USP34: variants seen among roughly 807,000 people sequenced by gnomAD.
The protein encoded by USP34 is ubiquitin carboxyl-terminal hydrolase 34.
In USP34, 70 loss-of-function variants were observed where a neutral mutation model predicts 460.3. The ratio of observed to expected loss-of-function variants is 0.15; its 90% CI spans 0.13 to 0.19. The LOEUF (loss-of-function observed/expected upper bound fraction) is 0.19. Among genes scored for constraint, USP34 ranks in the 10% least tolerant of loss-of-function variants. The pLI is 1.00. For synonymous variants in USP34, 1,647 were observed against 1,405.3 expected (o/e 1.17, Z -3.85); for missense variants, 3,985 against 4,236.2 (o/e 0.94, Z 1.65).
chr2:61,281,222 T>C lies in USP34; in HGVS notation c.5019A>G (p.Ser1673=), dbSNP rs370121757. Reference sequence around the variant, plus strand: ...GGGATAACTTATAGAGACCACTGCATGATTCATGACGAACTGCAGTCTAGA... The same window carrying C: ...GGGATAACTTATAGAGACCACTGCACGATTCATGACGAACTGCAGTCTAGA... The part of the protein sequence containing the change: ...LIPETAVRHE[S]CSGLYKLSLS... Residue 1673 remains serine, a synonymous_variant, in exon 38 of 80, where the codon TCA becomes TCG. Coordinates refer to ENST00000398571, the MANE Select transcript of USP34 (RefSeq NM_014709.4). 3.7e-6 allele frequency: 6 copies of C among 1,613,732 alleles called. No homozygotes were observed. In the African/African-American group the frequency reaches 8.0e-5, roughly 22 times the overall value.
chr2:61,299,678 G>A (rs1434903310), intron 29 of USP34, among the ~76,000 whole-genome samples: 2 of 131,286 alleles, frequency 1.5e-5, no homozygotes, highest in Admixed American at 7.5e-5. Flanking sequence ...TTGAACCTGA[G>A]AGATCAAGGC....
intron 11 of USP34, 70 bp from the exon 12 acceptor site, chr2:61,350,459 G>A: frequency 6.4e-7 from 1 of 1,566,342 alleles, no homozygotes; most frequent in Non-Finnish European, 8.6e-7. Context: ...TATCCTTTTT[G>A]TCAAACTGAA....
intron 10 of USP34, among the ~76,000 whole-genome samples, chr2:61,356,718 G>A (rs1052496842): frequency 6.6e-6 from 1 of 152,126 alleles, no homozygotes; most frequent in African/African-American, 2.4e-5. Flanking sequence ...TGATGAGAGG[G>A]GAAAATGAGG....
In USP34 at chr2:61,369,236, C is replaced by T. The variant is rs552154508; in HGVS notation, c.1251+1085G>A. 6.6e-5 allele frequency among the ~76,000 whole-genome samples: 10 copies of T among 152,288 alleles called. No homozygotes were observed. The South Asian group carries it at 2.1e-3, about 32-fold the overall frequency. ...AAGTAAACCACACATATTCTTTAACCTAGTAATTCTAATTCTACTTGTAAG... is the reference window on the plus strand; with the variant it reads ...AAGTAAACCACACATATTCTTTAACTTAGTAATTCTAATTCTACTTGTAAG... On this transcript the variant is annotated intron_variant, in intron 10 of 79. Coordinates refer to ENST00000398571, the MANE Select transcript of USP34 (RefSeq NM_014709.4).
Position 61,305,254 on chromosome 2 carries a change from C to A in USP34, c.3818-3800G>T, listed in dbSNP as rs964874761. On this transcript the variant is annotated intron_variant, in intron 27 of 79. Transcript: ENST00000398571. ...CAGAAAAATTGCTTGACCCCAAAGG[C>A]GGAGGTTGCACTGAGCCGAGATTAC... Among the ~76,000 whole-genome samples, 5 of 151,564 alleles carry A rather than the reference C, an allele frequency of 3.3e-5. No individual in the cohort carries two copies. The South Asian group carries it at 6.2e-4, about 19-fold the overall frequency.
Position 61,453,393 on chromosome 2 carries a change from G to A in USP34, c.43+17257C>T, listed in dbSNP as rs566282793. Among the ~76,000 whole-genome samples, 13 of 150,986 alleles carry A rather than the reference G, an allele frequency of 8.6e-5. No individual in the cohort carries two copies. The South Asian group carries it at 1.0e-3, about 12-fold the overall frequency. ...CACGCCACTGTACTCCAGCATAGAC[G>A]ACAGAGTAAGACCCTGTCTCAAAAA... On this transcript the variant is annotated intron_variant, in intron 1 of 79. Transcript: ENST00000398571.
At chr2:61,426,859 G>C (rs371331333) in intron 1 of USP34, among the ~76,000 whole-genome samples, 7 of 152,228 alleles carry the variant, frequency 4.6e-5, no homozygotes, top group African/African-American at 1.7e-4. Context: ...GCTCAGGACA[G>C]CGAGACCGTG....
At chr2:61,388,253 T>A (rs1182389068) in intron 5 of USP34, among the ~76,000 whole-genome samples, 1 of 151,718 alleles carries the variant, frequency 6.6e-6, no homozygotes, top group Non-Finnish European at 1.5e-5. Context: ...CAAAAAATAA[T>A]AAAATCACAA....
chr2:61,190,758 G>T, intron 76 of USP34, 100 bp from the exon 77 acceptor site: 1 of 1,384,414 alleles, frequency 7.2e-7, no homozygotes, highest in Non-Finnish European at 9.6e-7. Flanking sequence ...GTGTATGATG[G>T]AATCTGAAGC....
At position 61,211,938 on chromosome 2, in the gene USP34, G is replaced by T; in HGVS notation, c.8683-9C>A. The T allele has an allele frequency of 6.3e-7, 1 of 1,595,336 alleles. No individual in the cohort carries two copies. ...AACAGTTCTTCTACTGCCTAAAAAAGCCAAATAAGCCATATGATCTTTTAA... is the reference window on the plus strand; with the variant it reads ...AACAGTTCTTCTACTGCCTAAAAAATCCAAATAAGCCATATGATCTTTTAA... On this transcript the variant is annotated splice_polypyrimidine_tract_variant and intron_variant, in intron 68 of 79. Transcript: ENST00000398571.
chr2:61,194,211 T>C, intron 75 of USP34: 1 of 985,398 alleles, frequency 1.0e-6, no homozygotes, highest in Non-Finnish European at 1.2e-6. Context: ...TTTATTTTCC[T>C]GTCAAGATGA....
At chr2:61,406,874 G>A (rs1415612881) in intron 2 of USP34, among the ~76,000 whole-genome samples, 1 of 151,966 alleles carries the variant, frequency 6.6e-6, no homozygotes, top group Non-Finnish European at 1.5e-5. Flanking sequence ...GCTGGGTATG[G>A]TGGTGGGCAC....
intron 43 of USP34, among the ~76,000 whole-genome samples, chr2:61,264,464 G>GT (rs1688987934): frequency 6.7e-6 from 1 of 150,050 alleles, no homozygotes; most frequent in East Asian, 2.0e-4. Context: ...GTGAGACCCT[G>GT]TCTCTACAAA....
At chr2:61,430,573 A>G (rs1694640886) in intron 1 of USP34, among the ~76,000 whole-genome samples, 1 of 152,228 alleles carries the variant, frequency 6.6e-6, no homozygotes, top group Admixed American at 6.5e-5. Context: ...ACATTTGTCA[A>G]AATGAATAAA....
At position 61,380,377 on chromosome 2, in the gene USP34, A is replaced by T; in HGVS notation, c.822-16T>A. The T allele has an allele frequency of 1.3e-6, 2 of 1,585,974 alleles. No individual in the cohort carries two copies. Among genetic ancestry groups the T allele is most frequent in the Non-Finnish European group, 1.7e-6 (2 of 1,164,944 alleles). On this transcript the variant is annotated splice_polypyrimidine_tract_variant and intron_variant, in intron 6 of 79. Transcript: ENST00000398571. ...GCATAAATACCTGAAATGATTCAGA[A>T]ATAGAAAATACACAAAAATTCATAA...
At chr2:61,327,953 CA>C (rs1374006896) in intron 20 of USP34, among the ~76,000 whole-genome samples, 13 of 152,306 alleles carry the variant, frequency 8.5e-5, no homozygotes, top group African/African-American at 2.9e-4. Context: ...CCTCCACAGA[CA>C]AGATATTCTC....
chr2:61,336,915 T>G (rs1310714678), intron 18 of USP34, among the ~76,000 whole-genome samples: 1 of 152,190 alleles, frequency 6.6e-6, no homozygotes, highest in Admixed American at 6.5e-5. Flanking sequence ...ATCTTTTCTT[T>G]TTAACGGTTA....
chr2:61,266,442 T>A (rs911766942), intron 41 of USP34, among the ~76,000 whole-genome samples: 1 of 152,216 alleles, frequency 6.6e-6, no homozygotes, highest in Admixed American at 6.5e-5. Context: ...CATTAAGTGA[T>A]GTAAAGTTTT....
chr2:61,312,215 T>G (rs1690615231), intron 25 of USP34, among the ~76,000 whole-genome samples: 1 of 146,698 alleles, frequency 6.8e-6, no homozygotes, highest in Non-Finnish European at 1.5e-5. Context: ...ATAGGAGAGA[T>G]AGGAGGAATT....
Sources: allele counts gnomAD v4.1 joint callset (sites outside exome capture counted in the v4.1 genomes callset), GRCh38; gene constraint gnomAD v4.1.1; transcripts MANE v1.5; gene names NCBI Gene and HGNC (gene_info 2026-07-23, HGNC 2026-07-21).